ENTREP2: variants seen among roughly 807,000 people sequenced by gnomAD.
The protein encoded by ENTREP2 is protein ENTREP2.
the ENTREP2 span, among the ~76,000 whole-genome samples, chr15:29,574,115 C>G: frequency 6.7e-6 from 1 of 149,724 alleles, no homozygotes; most frequent in Non-Finnish European, 1.5e-5. Context: ...GCACTGATCA[C>G]GACAACTCAT....
chr15:29,558,457 G>A, the ENTREP2 span, among the ~76,000 whole-genome samples: 1 of 151,360 alleles, frequency 6.6e-6, no homozygotes, highest in Non-Finnish European at 1.5e-5. Flanking sequence ...GTACATGCCC[G>A]CCCTCTTCAC....
the ENTREP2 span, among the ~76,000 whole-genome samples, chr15:29,539,064 G>T: frequency 2.6e-5 from 4 of 152,164 alleles, no homozygotes; most frequent in East Asian, 1.9e-4. Flanking sequence ...ATGACAAGGG[G>T]TGGTGAGGGA....
chr15:29,596,459 A>C, the ENTREP2 span, among the ~76,000 whole-genome samples: 9 of 152,138 alleles, frequency 5.9e-5, no homozygotes, highest in African/African-American at 2.2e-4. Flanking sequence ...TTGTTAGCTC[A>C]TATCCCTAGG....
chr15:29,393,456 A>G, the ENTREP2 span, among the ~76,000 whole-genome samples: 2 of 152,212 alleles, frequency 1.3e-5, no homozygotes, highest in Non-Finnish European at 2.9e-5. Flanking sequence ...TCCCTTCTCC[A>G]GCCACATACC....
the ENTREP2 span, chr15:29,136,329 C>A: frequency 6.8e-7 from 1 of 1,465,930 alleles, no homozygotes; most frequent in Non-Finnish European, 8.9e-7. Context: ...CTAGCATTCC[C>A]ACGGGAACTG....
At chr15:29,127,574 G>A in the ENTREP2 span, among the ~76,000 whole-genome samples, 3 of 152,142 alleles carry the variant, frequency 2.0e-5, no homozygotes, top group Admixed American at 2.0e-4. Flanking sequence ...AAGGGTTGAG[G>A]GTCACACAGC....
chr15:29,351,032 T>A, the ENTREP2 span, among the ~76,000 whole-genome samples: 7 of 152,208 alleles, frequency 4.6e-5, no homozygotes, highest in Non-Finnish European at 1.0e-4. Context: ...AGTCACTTAA[T>A]GACAAAGATA....
chr15:29,561,693 T>TATAATAATAATA, the ENTREP2 span, among the ~76,000 whole-genome samples: 2 of 147,704 alleles, frequency 1.4e-5, no homozygotes, highest in African/African-American at 5.0e-5. Flanking sequence ...ATCTCAAAAT[T>TATAATAATAATA]ATAATAATAA....
chr15:29,334,334 C>T, the ENTREP2 span, among the ~76,000 whole-genome samples: 1 of 152,164 alleles, frequency 6.6e-6, no homozygotes, highest in African/African-American at 2.4e-5. Context: ...GACTACGCGA[C>T]TCTTACTAGA....
chr15:29,264,069 C>T, the ENTREP2 span, among the ~76,000 whole-genome samples: 4 of 143,670 alleles, frequency 2.8e-5, no homozygotes, highest in South Asian at 2.2e-4. Flanking sequence ...GCAGGAGAAT[C>T]GCTTGAACCC....
At chr15:29,483,936 G>A in the ENTREP2 span, among the ~76,000 whole-genome samples, 1 of 152,050 alleles carries the variant, frequency 6.6e-6, no homozygotes. Context: ...AAATCTGCAA[G>A]TCCTCATACA....
chr15:29,319,009 T>A, the ENTREP2 span, among the ~76,000 whole-genome samples: 1 of 152,188 alleles, frequency 6.6e-6, no homozygotes, highest in African/African-American at 2.4e-5. Flanking sequence ...ATTAACTGTA[T>A]ACCACCTAAA....
the ENTREP2 span, among the ~76,000 whole-genome samples, chr15:29,639,411 G>A: frequency 1.3e-5 from 2 of 152,308 alleles, no homozygotes; most frequent in African/African-American, 4.8e-5. Flanking sequence ...TTATGCAAAA[G>A]TCAGACGTAA....
At chr15:29,328,457 G>T in the ENTREP2 span, among the ~76,000 whole-genome samples, 15 of 152,312 alleles carry the variant, frequency 9.8e-5, no homozygotes, top group East Asian at 2.7e-3. Flanking sequence ...AGGATCTCAG[G>T]ATCCTAATTT....
chr15:29,218,992 C>T, the ENTREP2 span, among the ~76,000 whole-genome samples: 1 of 151,918 alleles, frequency 6.6e-6, no homozygotes, highest in Non-Finnish European at 1.5e-5. Flanking sequence ...TTTGCATGGC[C>T]AAAGGAACAG....
the ENTREP2 span, among the ~76,000 whole-genome samples, chr15:29,597,392 A>T: frequency 6.6e-6 from 1 of 152,016 alleles, no homozygotes; most frequent in Admixed American, 6.6e-5. Context: ...AACATGGAGA[A>T]ACCCCATCTC....
the ENTREP2 span, among the ~76,000 whole-genome samples, chr15:29,159,118 T>G: frequency 6.6e-6 from 1 of 152,304 alleles, no homozygotes; most frequent in African/African-American, 2.4e-5. Context: ...ACCCTCGCGC[T>G]GAGTGTTACA....
At chr15:29,363,263 A>C in the ENTREP2 span, among the ~76,000 whole-genome samples, 2 of 152,244 alleles carry the variant, frequency 1.3e-5, no homozygotes, top group Non-Finnish European at 2.9e-5. Flanking sequence ...ATTTACATTA[A>C]AAATATTAAC....
the ENTREP2 span, among the ~76,000 whole-genome samples, chr15:29,380,886 C>A: frequency 6.9e-6 from 1 of 145,484 alleles, no homozygotes; most frequent in East Asian, 2.0e-4. Flanking sequence ...TCTCTCTCTG[C>A]ACCAGGCTGG....
Sources: allele counts gnomAD v4.1 joint callset (sites outside exome capture counted in the v4.1 genomes callset), GRCh38; gene constraint gnomAD v4.1.1; transcripts MANE v1.5; gene names NCBI Gene and HGNC (gene_info 2026-07-23, HGNC 2026-07-21).